SLC39A8: variants seen among roughly 807,000 people sequenced by gnomAD.
SLC39A8 encodes solute carrier family 39 member 8, also known as metal cation symporter ZIP8.
Under a neutral mutation model 40.4 loss-of-function variants are expected in SLC39A8, and 15 were observed. The observed-to-expected ratio is 0.37, with a 90% CI of 0.25 to 0.57. The LOEUF is 0.57. SLC39A8 is among the 20% of genes least tolerant of loss of function. SLC39A8 has a pLI of 0.75. For missense variants in SLC39A8, 472 were observed against 558.8 expected, an observed-to-expected ratio of 0.84 and a Z score of 1.57; for synonymous variants, 223 against 221.6, an observed-to-expected ratio of 1.01 and a Z score of -0.06.
At chr4:102,335,945 C>T (rs948910066) in intron 2 of SLC39A8, among the ~76,000 whole-genome samples, 3 of 152,052 alleles carry the variant, frequency 2.0e-5, no homozygotes, top group Non-Finnish European at 4.4e-5. Flanking sequence ...GTGTTCAGAT[C>T]ATCAATGGAA....
At chr4:102,344,067 G>T (rs897050782) in intron 2 of SLC39A8, among the ~76,000 whole-genome samples, 2 of 152,162 alleles carry the variant, frequency 1.3e-5, no homozygotes, top group African/African-American at 4.8e-5. Context: ...AACCTTGTAG[G>T]AAGTGTGCGA....
intron 6 of SLC39A8, among the ~76,000 whole-genome samples, chr4:102,301,390 G>A: frequency 6.6e-6 from 1 of 151,980 alleles, no homozygotes; most frequent in East Asian, 1.9e-4. Context: ...CTGACACCTT[G>A]AGGGACCTTT....
In SLC39A8 at chr4:102,344,650, G is replaced by C; in HGVS notation, c.13C>G (p.Arg5Gly). Residue 5 changes from arginine to glycine, a missense_variant, in exon 2 of 9, where the codon CGC becomes GGC. This residue lies in a region of SLC39A8 where 175 missense variants were observed against 160.5 expected (regional missense o/e 1.09). Transcript: ENST00000356736. MAPG[R>G]AVAGLLLLAA... Reference sequence around the variant, plus strand: ...AGCAACAGGAGCCCGGCCACCGCGCGACCCGGGGCCATCCTGGCCTGGGCT... The same window carrying C: ...AGCAACAGGAGCCCGGCCACCGCGCCACCCGGGGCCATCCTGGCCTGGGCT... 6.5e-7 allele frequency: 1 copy of C among 1,533,764 alleles called. No individual in the cohort carries two copies. Among genetic ancestry groups the C allele is most frequent in the South Asian group, 1.2e-5 (1 of 81,942 alleles).
At chr4:102,281,875 A>C (rs1455569211) in intron 6 of SLC39A8, among the ~76,000 whole-genome samples, 1 of 152,188 alleles carries the variant, frequency 6.6e-6, no homozygotes, top group East Asian at 1.9e-4. Flanking sequence ...AGAAAAGAAG[A>C]ATCGGGCATG....
At chr4:102,342,547 G>A (rs1028368201) in intron 2 of SLC39A8, among the ~76,000 whole-genome samples, 4 of 152,132 alleles carry the variant, frequency 2.6e-5, no homozygotes, top group Non-Finnish European at 4.4e-5. Context: ...CTTATTAAGT[G>A]GTAAATTTTC....
chr4:102,333,566 T>A (rs557161211), intron 2 of SLC39A8, among the ~76,000 whole-genome samples: 8 of 152,310 alleles, frequency 5.3e-5, no homozygotes, highest in African/African-American at 1.9e-4. Flanking sequence ...ATCACTAAGA[T>A]GGGCAAAACA....
intron 4 of SLC39A8, 70 bp from the exon 5 acceptor site, chr4:102,305,181 G>T: frequency 1.4e-6 from 2 of 1,464,768 alleles, no homozygotes; most frequent in Admixed American, 2.0e-5. Context: ...AATAATACCA[G>T]TATGCAATTC....
chr4:102,276,248 T>C (rs1372980126), intron 6 of SLC39A8, among the ~76,000 whole-genome samples: 4 of 151,708 alleles, frequency 2.6e-5, no homozygotes, highest in Non-Finnish European at 5.9e-5. Flanking sequence ...GCCAGACTAA[T>C]AAAGAAGAAA....
At chr4:102,344,947 T>C (rs961753585) in intron 1 of SLC39A8, 32 bp from the exon 2 acceptor site, 4 of 1,188,942 alleles carry the variant, frequency 3.4e-6, no homozygotes, top group Non-Finnish European at 4.2e-6. Context: ...GGGACAGAGA[T>C]AAAGGCCACC....
At chr4:102,260,857 G>C (rs551933663), downstream of SLC39A8, among the ~76,000 whole-genome samples, 26 of 152,282 alleles carry the variant, frequency 1.7e-4, no homozygotes, top group African/African-American at 5.8e-4. Flanking sequence ...TTGGGGAAAT[G>C]CATGTCTTAG....
intron 6 of SLC39A8, among the ~76,000 whole-genome samples, chr4:102,279,714 C>G (rs1312038370): frequency 6.6e-6 from 1 of 152,102 alleles, no homozygotes; most frequent in Non-Finnish European, 1.5e-5. Context: ...TTAATTGCAT[C>G]CTCTTCTCCC....
chr4:102,298,589 T>C (rs903777834), intron 6 of SLC39A8, among the ~76,000 whole-genome samples: 1 of 152,120 alleles, frequency 6.6e-6, no homozygotes, highest in Non-Finnish European at 1.5e-5. Context: ...TTTAAAATAG[T>C]AAATGGTCTT....
chr4:102,283,307 C>T (rs1732986643), intron 6 of SLC39A8, among the ~76,000 whole-genome samples: 1 of 152,196 alleles, frequency 6.6e-6, no homozygotes, highest in Admixed American at 6.5e-5. Context: ...TGTGCCCAGA[C>T]TATTTGACTC....
intron 4 of SLC39A8, 123 bp from the exon 5 acceptor site, chr4:102,305,234 G>C: frequency 9.8e-7 from 1 of 1,024,722 alleles, no homozygotes; most frequent in Non-Finnish European, 1.4e-6. Context: ...AGTAATATTG[G>C]AAACTTAGCT....
At position 102,262,747 on chromosome 4, in the gene SLC39A8, G is replaced by A. The variant is rs1196306852; in HGVS notation, c.*297C>T. 5.6e-6 allele frequency: 6 copies of A among 1,070,236 alleles called. No individual in the cohort carries two copies. In the African/African-American group the frequency reaches 6.7e-5, roughly 12 times the overall value. The allele number at this position is 1,070,236 out of a possible 1,614,324, so 66.3% of individuals were successfully genotyped here. A position where few individuals can be genotyped will look rare whatever the true frequency, so the allele number is the denominator to read the frequency against. On this transcript the variant is annotated 3_prime_UTR_variant, in exon 9 of 9. Transcript: ENST00000356736. ...GAGTCTGAGTGTCTACATGATTATA[G>A]AATGCATGTCTCTTGCTTCATGGTG...
chr4:102,323,362 A>T (rs1395936542), intron 2 of SLC39A8, among the ~76,000 whole-genome samples: 1 of 152,236 alleles, frequency 6.6e-6, no homozygotes, highest in Non-Finnish European at 1.5e-5. Context: ...AGATAAGCAA[A>T]TAAAAATATG....
At chr4:102,265,377 G>A (rs1321414829) in intron 8 of SLC39A8, among the ~76,000 whole-genome samples, 4 of 152,160 alleles carry the variant, frequency 2.6e-5, no homozygotes, top group South Asian at 2.1e-4. Context: ...CATTTTATAC[G>A]AATGTGGTTC....
chr4:102,341,528 T>G (rs1735941436), intron 2 of SLC39A8, among the ~76,000 whole-genome samples: 1 of 152,156 alleles, frequency 6.6e-6, no homozygotes, highest in Admixed American at 6.5e-5. Flanking sequence ...CCTCAATAGA[T>G]CAGACCTTTA....
intron 6 of SLC39A8, among the ~76,000 whole-genome samples, chr4:102,280,569 T>G (rs1732825895): frequency 1.3e-5 from 2 of 152,238 alleles, no homozygotes; most frequent in South Asian, 2.1e-4. Context: ...ATGTTTGTAT[T>G]TTATAGCTGG....
Sources: allele counts gnomAD v4.1 joint callset (sites outside exome capture counted in the v4.1 genomes callset), GRCh38; gene constraint gnomAD v4.1.1; regional missense constraint gnomAD v4.1.1; transcripts MANE v1.5; gene names NCBI Gene and HGNC (gene_info 2026-07-23, HGNC 2026-07-21).